The following TMTC2 variants were observed in gnomAD, a reference collection of about 807,000 sequenced individuals.
TMTC2 encodes the protein transmembrane O-mannosyltransferase targeting cadherins 2, also known as protein O-mannosyl-transferase TMTC2.
Under a neutral mutation model 82.4 loss-of-function variants are expected in TMTC2, and 43 were observed. The ratio of observed to expected loss-of-function variants is 0.52; its 90% CI spans 0.41 to 0.67. The LOEUF is 0.67. Ranked by LOEUF, TMTC2 falls within the 30% of genes least tolerant of loss-of-function variation. TMTC2 has a pLI of 0.00. For synonymous variants in TMTC2, 408 were observed against 381.9 expected (o/e 1.07, Z -0.80); for missense variants, 919 against 1,012.4 (o/e 0.91, Z 1.25).
chr12:82,937,763 T>TATATATATAC (rs1876432420), intron 4 of TMTC2, among the ~76,000 whole-genome samples: 1 of 20,344 alleles, frequency 4.9e-5, no homozygotes, highest in Non-Finnish European at 9.2e-5. Flanking sequence ...TATATATATA[T>TATATATATAC]ATATATATAT....
At chr12:83,041,322 C>T (rs903451817) in intron 9 of TMTC2, among the ~76,000 whole-genome samples, 1 of 152,134 alleles carries the variant, frequency 6.6e-6, no homozygotes, top group African/African-American at 2.4e-5. Flanking sequence ...AGCCCTACTG[C>T]AGATTATCTC....
chr12:82,798,412 G>A (rs1009749730), intron 1 of TMTC2, among the ~76,000 whole-genome samples: 2 of 149,662 alleles, frequency 1.3e-5, no homozygotes, highest in African/African-American at 4.9e-5. Context: ...CAGGAGAATG[G>A]CGTGAACCTG....
chr12:82,981,363 T>C (rs1268700803), intron 7 of TMTC2, among the ~76,000 whole-genome samples: 1 of 151,898 alleles, frequency 6.6e-6, no homozygotes, highest in Non-Finnish European at 1.5e-5. Context: ...CTTAAGGAGT[T>C]AGCCTTTGCC....
At chr12:83,043,908 T>C (rs1236322490) in intron 9 of TMTC2, among the ~76,000 whole-genome samples, 1 of 152,216 alleles carries the variant, frequency 6.6e-6, no homozygotes, top group African/African-American at 2.4e-5. Context: ...AGTAGACAAA[T>C]TGCATAGTTT....
intron 8 of TMTC2, among the ~76,000 whole-genome samples, chr12:83,005,081 G>C (rs1880118075): frequency 6.6e-6 from 1 of 151,808 alleles, no homozygotes; most frequent in Admixed American, 6.6e-5. Flanking sequence ...GTGTGCGCCT[G>C]TAATCCCAGC....
intron 1 of TMTC2, among the ~76,000 whole-genome samples, chr12:82,786,696 C>T (rs1176753199): frequency 6.6e-6 from 1 of 152,100 alleles, no homozygotes; most frequent in African/African-American, 2.4e-5. Context: ...TTCCCTTTGT[C>T]TCAACAGTGA....
At chr12:82,755,941 C>A (rs1876297977) in intron 1 of TMTC2, among the ~76,000 whole-genome samples, 1 of 151,710 alleles carries the variant, frequency 6.6e-6, no homozygotes, top group African/African-American at 2.4e-5. Flanking sequence ...GAAAAAAAAA[C>A]CCTGATATTT....
At chr12:83,059,932 A>G (rs1031540788) in intron 10 of TMTC2, among the ~76,000 whole-genome samples, 3 of 151,728 alleles carry the variant, frequency 2.0e-5, no homozygotes, top group Admixed American at 1.3e-4. Context: ...TCCTACCTGC[A>G]TGCCTTTTAT....
chr12:82,810,064 G>C (rs1328928671), intron 1 of TMTC2, among the ~76,000 whole-genome samples: 2 of 151,978 alleles, frequency 1.3e-5, no homozygotes, highest in African/African-American at 4.8e-5. Context: ...AGAATGTTCT[G>C]GTCATGCATA....
chr12:82,689,444 A>T (rs1185819018), intron 1 of TMTC2, among the ~76,000 whole-genome samples: 4 of 152,212 alleles, frequency 2.6e-5, no homozygotes, highest in Admixed American at 1.3e-4. Flanking sequence ...GAGTTTATTT[A>T]AAAAAAGAAA....
At chr12:82,721,532 T>G (rs1188347468) in intron 1 of TMTC2, among the ~76,000 whole-genome samples, 2 of 152,192 alleles carry the variant, frequency 1.3e-5, no homozygotes, top group Non-Finnish European at 2.9e-5. Context: ...GAACTGTGTC[T>G]CCCATTATGC....
At chr12:82,901,198 T>TCTGGAATATATATATAGGAATATATATAC (rs1873990873) in intron 3 of TMTC2, among the ~76,000 whole-genome samples, 4 of 100,436 alleles carry the variant, frequency 4.0e-5, no homozygotes, top group Non-Finnish European at 5.6e-5. Flanking sequence ...TATATATATA[T>TCTGGAATATATATATAGGAATATATATAC]CTGGAATATA....
chr12:83,063,774 A>G (rs1686673617), intron 11 of TMTC2, among the ~76,000 whole-genome samples: 1 of 151,960 alleles, frequency 6.6e-6, no homozygotes, highest in Admixed American at 6.6e-5. Flanking sequence ...GCTATACAGC[A>G]GTGAACAAAA....
At chr12:82,895,035 T>G (rs1873589351) in intron 2 of TMTC2, among the ~76,000 whole-genome samples, 1 of 150,922 alleles carries the variant, frequency 6.6e-6, no homozygotes, top group Admixed American at 6.6e-5. Context: ...CAGACTGGTT[T>G]CAAACTCCTG....
chr12:82,890,974 T>C (rs1157667878), intron 2 of TMTC2, among the ~76,000 whole-genome samples: 1 of 152,248 alleles, frequency 6.6e-6, no homozygotes, highest in Non-Finnish European at 1.5e-5. Flanking sequence ...ATATGAATTT[T>C]TGCTAGTTTT....
chr12:82,740,997 C>T (rs377591479), intron 1 of TMTC2, among the ~76,000 whole-genome samples: 2 of 152,266 alleles, frequency 1.3e-5, no homozygotes, highest in African/African-American at 4.8e-5. Context: ...GCACTCTTAC[C>T]CCAGCGCTCC....
At chr12:82,939,673 A>C (rs1038307752) in intron 4 of TMTC2, among the ~76,000 whole-genome samples, 3 of 152,184 alleles carry the variant, frequency 2.0e-5, no homozygotes, top group Non-Finnish European at 4.4e-5. Flanking sequence ...ATCACTTAGA[A>C]TAAATCCCTA....
chr12:82,761,246 T>C (rs1565738509), intron 1 of TMTC2, among the ~76,000 whole-genome samples: 1 of 152,224 alleles, frequency 6.6e-6, no homozygotes. Context: ...AAGTACCTTT[T>C]TCATTGGACT....
chr12:82,689,577 A>T (rs1025061137), intron 1 of TMTC2, among the ~76,000 whole-genome samples: 1 of 152,252 alleles, frequency 6.6e-6, no homozygotes, highest in Non-Finnish European at 1.5e-5. Context: ...CATTCTTTAA[A>T]AATTAAGGTT....
Sources: gnomAD v4.1 joint callset for allele counts (sites outside exome capture counted in the v4.1 genomes callset) on GRCh38, gnomAD v4.1.1 for gene constraint, MANE v1.5 for transcripts, NCBI Gene and HGNC (gene_info 2026-07-23, HGNC 2026-07-21) for gene names.